Variants in AK8 observed in about 807,000 individuals in gnomAD.
AK8 encodes adenylate kinase 8.
AK8 carries 44 observed loss-of-function variants against 54.6 expected under a neutral mutation model. That is an observed-to-expected ratio of 0.81 (90% CI 0.63 to 1.04). AK8 has a LOEUF of 1.04. Among genes scored for constraint, AK8 ranks in the 50% least tolerant of loss-of-function variants. AK8 has a pLI of 0.00. For missense variants in AK8, 555 were observed against 613.6 expected (o/e 0.90, Z 1.01); for synonymous variants, 239 against 245.6 (o/e 0.97, Z 0.25).
chr9:132,855,713 C>T (rs919602726), intron 4 of AK8, among the ~76,000 whole-genome samples: 7 of 152,212 alleles, frequency 4.6e-5, no homozygotes, highest in African/African-American at 1.4e-4. Flanking sequence ...TGACGGCTAG[C>T]ATTTGTTGAG....
chr9:132,873,358 G>A (rs139734835), intron 2 of AK8, among the ~76,000 whole-genome samples: 31 of 152,260 alleles, frequency 2.0e-4, no homozygotes, highest in Admixed American at 8.5e-4. Context: ...GGAAAGTGAG[G>A]CCAAAGAGAG....
chr9:132,802,950 T>C (rs1840535495), intron 10 of AK8, among the ~76,000 whole-genome samples: 1 of 152,098 alleles, frequency 6.6e-6, no homozygotes, highest in African/African-American at 2.4e-5. Context: ...CAAGACTGGG[T>C]AATTTATAAA....
intron 11 of AK8, among the ~76,000 whole-genome samples, chr9:132,775,877 C>T (rs559063736): frequency 1.1e-4 from 17 of 152,306 alleles, no homozygotes; most frequent in African/African-American, 4.1e-4. Context: ...TTTTTATACT[C>T]AGAAAAATCC....
intron 3 of AK8, 28 bp from the exon 4 acceptor site, chr9:132,863,806 T>G (rs746908226): frequency 6.5e-7 from 1 of 1,529,272 alleles, no homozygotes; most frequent in Non-Finnish European, 9.0e-7. Context: ...GAAAAGGGCA[T>G]TTTCATAAAA....
chr9:132,786,117 T>C (rs1343764788), intron 11 of AK8, among the ~76,000 whole-genome samples: 2 of 152,176 alleles, frequency 1.3e-5, no homozygotes, highest in African/African-American at 4.8e-5. Context: ...GTAGGAAAGC[T>C]GAGAATCAAC....
chr9:132,838,990 T>G (rs552909619), intron 5 of AK8, among the ~76,000 whole-genome samples: 1 of 152,112 alleles, frequency 6.6e-6, no homozygotes, highest in Non-Finnish European at 1.5e-5. Flanking sequence ...GTCGCCCAGA[T>G]GGAGAGTGCA....
chr9:132,736,217 G>A (rs1036848661), intron 11 of AK8, among the ~76,000 whole-genome samples: 3 of 136,714 alleles, frequency 2.2e-5, no homozygotes, highest in African/African-American at 5.6e-5. Flanking sequence ...ACGAAGTCTC[G>A]CTCTTGTCCC....
chr9:132,784,609 T>C (rs1356168317), intron 11 of AK8, among the ~76,000 whole-genome samples: 1 of 151,566 alleles, frequency 6.6e-6, no homozygotes, highest in Non-Finnish European at 1.5e-5. Flanking sequence ...TCAGAGGCTG[T>C]GCAGAAGGGA....
intron 5 of AK8, among the ~76,000 whole-genome samples, chr9:132,844,194 C>A (rs1208897173): frequency 6.6e-6 from 1 of 151,134 alleles, no homozygotes; most frequent in Non-Finnish European, 1.5e-5. Flanking sequence ...ACAGGTAGAG[C>A]CAACTCCTTT....
intron 8 of AK8, among the ~76,000 whole-genome samples, chr9:132,823,966 G>T (rs751254525): frequency 6.6e-6 from 1 of 152,236 alleles, no homozygotes; most frequent in African/African-American, 2.4e-5. Flanking sequence ...GGTCACAGGA[G>T]TGGCCAGATG....
rs532084341 is a variant in AK8 at position 132,833,804 on chromosome 9, G to A, written c.403-5078C>T. On this transcript the variant is annotated intron_variant, in intron 5 of 12. Transcript: ENST00000298545. Reference sequence around the variant, plus strand: ...AGCACGGCCTGATGCGGCACGAGCCGTCCGGCTTTGTGCGAACACTGGCCT... The same window carrying A: ...AGCACGGCCTGATGCGGCACGAGCCATCCGGCTTTGTGCGAACACTGGCCT... Among the ~76,000 whole-genome samples the A allele has an allele frequency of 5.9e-5, 9 of 152,390 alleles. No homozygotes were observed. In the South Asian group the frequency reaches 1.7e-3, roughly 28 times the overall value.
At chr9:132,879,012 AG>A (rs1844290533), upstream of AK8, 1 of 154,436 alleles carries the variant, frequency 6.5e-6, no homozygotes, top group Non-Finnish European at 1.4e-5. Context: ...AGGACAAGCA[AG>A]GGTAAACAGG....
At chr9:132,772,519 C>T (rs1382945563) in intron 11 of AK8, among the ~76,000 whole-genome samples, 1 of 152,224 alleles carries the variant, frequency 6.6e-6, no homozygotes, top group African/African-American at 2.4e-5. Flanking sequence ...TCAGAAGAAA[C>T]CAAACCTGCT....
chr9:132,750,867 C>T (rs1837889206), intron 11 of AK8, among the ~76,000 whole-genome samples: 1 of 151,998 alleles, frequency 6.6e-6, no homozygotes, highest in African/African-American at 2.4e-5. Flanking sequence ...GTAAAGGTCA[C>T]CGCCTGGAAG....
In AK8 at chr9:132,754,799, G is replaced by T. The variant is rs1458353408; in HGVS notation, c.1122-27265C>A. 6.7e-4 allele frequency among the ~76,000 whole-genome samples: 97 copies of T among 144,014 alleles called. 1 individual carries two copies. The highest frequency in any genetic ancestry group is 2.0e-3 in the African/African-American group (76 of 38,284). The allele number at this position is 144,014 out of a possible 152,430, so 94.5% of individuals were successfully genotyped here. A position where few individuals can be genotyped will look rare whatever the true frequency, so the allele number is the denominator to read the frequency against. On this transcript the variant is annotated intron_variant, in intron 11 of 12. Transcript: ENST00000298545. The stretch of plus-strand genomic sequence containing the variant: ...ACATTACCACTGATTTTTGTTTTTT[G>T]GTTTTTTTTTTTTTTTTGAGACAGA...
chr9:132,787,238 A>C (rs544340217), intron 11 of AK8, among the ~76,000 whole-genome samples: 1 of 152,310 alleles, frequency 6.6e-6, no homozygotes, highest in Admixed American at 6.5e-5. Context: ...TAATTCAAGA[A>C]AATGTCCCAG....
At chr9:132,843,312 T>C (rs1231977192) in intron 5 of AK8, among the ~76,000 whole-genome samples, 1 of 152,140 alleles carries the variant, frequency 6.6e-6, no homozygotes, top group Non-Finnish European at 1.5e-5. Context: ...CTCTTGCTCC[T>C]GCTCTGGCCA....
intron 11 of AK8, among the ~76,000 whole-genome samples, chr9:132,789,746 G>A (rs905597424): frequency 2.0e-5 from 3 of 152,086 alleles, no homozygotes; most frequent in Non-Finnish European, 4.4e-5. Flanking sequence ...GTTCTCACCT[G>A]GGGCTCACTG....
intron 11 of AK8, among the ~76,000 whole-genome samples, chr9:132,762,959 C>T (rs911597596): frequency 1.3e-5 from 2 of 152,214 alleles, no homozygotes; most frequent in Non-Finnish European, 2.9e-5. Flanking sequence ...AGCCAGGAAC[C>T]AGGAGGAACG....
Sources: allele counts gnomAD v4.1 joint callset (sites outside exome capture counted in the v4.1 genomes callset), GRCh38; gene constraint gnomAD v4.1.1; transcripts MANE v1.5; gene names NCBI Gene and HGNC (gene_info 2026-07-23, HGNC 2026-07-21).